The following CNTN4 variants were observed in gnomAD, a reference collection of about 807,000 sequenced individuals.
CNTN4 encodes contactin 4.
Under a neutral mutation model 122.5 loss-of-function variants are expected in CNTN4, and 77 were observed. That is an observed-to-expected ratio of 0.63 (90% CI 0.52 to 0.76). The LOEUF (loss-of-function observed/expected upper bound fraction) is 0.76, where lower values mean the gene tolerates loss of function less well. Ranked by LOEUF, CNTN4 falls within the 30% of genes least tolerant of loss-of-function variation. The pLI is 0.00. For missense variants in CNTN4, 1,256 were observed against 1,259.1 expected, an observed-to-expected ratio of 1.00 and a Z score of 0.04; for synonymous variants, 512 against 447.0, an observed-to-expected ratio of 1.15 and a Z score of -1.83.
intron 2 of CNTN4, among the ~76,000 whole-genome samples, chr3:2,272,422 C>G (rs1258742048): frequency 6.6e-6 from 1 of 152,010 alleles, no homozygotes; most frequent in Non-Finnish European, 1.5e-5. Context: ...TATGTTGACC[C>G]TCATCATTGT....
intron 4 of CNTN4, among the ~76,000 whole-genome samples, chr3:2,694,629 C>A (rs748455627): frequency 6.6e-6 from 1 of 151,976 alleles, no homozygotes. Context: ...ACTTAGGAGG[C>A]GAGGCAAGAG....
intron 4 of CNTN4, among the ~76,000 whole-genome samples, chr3:2,658,364 G>A (rs1377074639): frequency 6.6e-6 from 1 of 151,988 alleles, no homozygotes; most frequent in Non-Finnish European, 1.5e-5. Context: ...AATTTTCATG[G>A]CCATGGGACA....
At chr3:2,118,413 G>T (rs2033515641) in intron 2 of CNTN4, among the ~76,000 whole-genome samples, 1 of 152,168 alleles carries the variant, frequency 6.6e-6, no homozygotes, top group Admixed American at 6.5e-5. Flanking sequence ...ACATTTTATT[G>T]CAAGGAAGGT....
chr3:2,565,875 C>T (rs1396124616), intron 3 of CNTN4, among the ~76,000 whole-genome samples: 1 of 152,190 alleles, frequency 6.6e-6, no homozygotes, highest in East Asian at 1.9e-4. Context: ...CAGATGGGAA[C>T]TGTGGATGAT....
rs1028950975 is a variant in CNTN4 at position 3,034,598 on chromosome 3, C to T, written c.1784-34C>T. ...TCCTTTACTTGGGTGTTTGAATACA[C>T]TGCTCCAATTCTGGGGGTCTTGCTC... On this transcript the variant is annotated intron_variant, in intron 16 of 24. Coordinates refer to ENST00000418658, the MANE Select transcript of CNTN4 (RefSeq NM_175607.3). 5.0e-6 allele frequency: 8 copies of T among 1,612,014 alleles called. No individual in the cohort carries two copies. The African/African-American group carries it at 6.7e-5, about 13-fold the overall frequency.
chr3:2,178,265 T>C (rs1265048854), intron 2 of CNTN4, among the ~76,000 whole-genome samples: 2 of 148,784 alleles, frequency 1.3e-5, no homozygotes, highest in South Asian at 2.1e-4. Context: ...AGGTACATAC[T>C]TTTTTTTTTG....
At chr3:2,675,110 C>T (rs778538758) in intron 4 of CNTN4, among the ~76,000 whole-genome samples, 1 of 151,112 alleles carries the variant, frequency 6.6e-6, no homozygotes, top group South Asian at 2.1e-4. Context: ...AGTGGAGAGA[C>T]AGTCTTACCA....
intron 3 of CNTN4, among the ~76,000 whole-genome samples, chr3:2,437,223 C>CT (rs1274170245): frequency 6.6e-6 from 1 of 152,112 alleles, no homozygotes; most frequent in African/African-American, 2.4e-5. Flanking sequence ...AGGGAAGACT[C>CT]TAATAATTAA....
intron 6 of CNTN4, among the ~76,000 whole-genome samples, chr3:2,785,433 C>T (rs150185622): frequency 3.2e-4 from 49 of 152,230 alleles, no homozygotes; most frequent in Middle Eastern, 3.4e-3. Flanking sequence ...TGAATGATGC[C>T]AACCACATAG....
chr3:2,747,986 T>C (rs912107859), intron 6 of CNTN4, among the ~76,000 whole-genome samples: 3 of 152,224 alleles, frequency 2.0e-5, no homozygotes, highest in African/African-American at 7.2e-5. Context: ...TATGATCATG[T>C]CCCTTGTCCC....
chr3:2,426,070 G>C (rs1157492642), intron 3 of CNTN4, among the ~76,000 whole-genome samples: 2 of 152,074 alleles, frequency 1.3e-5, no homozygotes, highest in Non-Finnish European at 2.9e-5. Flanking sequence ...TCCTTCTCCT[G>C]CCTGATTGCC....
intron 7 of CNTN4, among the ~76,000 whole-genome samples, chr3:2,835,137 T>C (rs562647227): frequency 2.0e-4 from 30 of 151,696 alleles, no homozygotes; most frequent in African/African-American, 6.3e-4. Flanking sequence ...GATCTCCTGA[T>C]CTCGCGATCC....
At chr3:2,903,074 C>G (rs546037129) in intron 12 of CNTN4, 69 bp downstream of exon 12, 5 of 1,504,344 alleles carry the variant, frequency 3.3e-6, no homozygotes, top group Non-Finnish European at 4.6e-6. Flanking sequence ...TTGTTCTTTG[C>G]CAAGCATAAA....
At chr3:2,720,922 G>C (rs1330237767) in intron 4 of CNTN4, among the ~76,000 whole-genome samples, 1 of 152,042 alleles carries the variant, frequency 6.6e-6, no homozygotes, top group Non-Finnish European at 1.5e-5. Flanking sequence ...TTGAACCCAG[G>C]CACTGTGGTT....
intron 2 of CNTN4, among the ~76,000 whole-genome samples, chr3:2,103,313 T>C (rs948670166): frequency 6.6e-6 from 1 of 152,010 alleles, no homozygotes; most frequent in Non-Finnish European, 1.5e-5. Context: ...AAGGATATAA[T>C]CCAAAACATA....
intron 2 of CNTN4, among the ~76,000 whole-genome samples, chr3:2,129,194 G>A (rs1316467046): frequency 7.0e-6 from 1 of 143,444 alleles, no homozygotes; most frequent in East Asian, 2.1e-4. Flanking sequence ...ATTATTTTTT[G>A]ATACTAGGAA....
chr3:2,611,216 T>A (rs184934014), intron 4 of CNTN4, among the ~76,000 whole-genome samples: 1 of 145,972 alleles, frequency 6.9e-6, no homozygotes, highest in East Asian at 2.0e-4. Context: ...TTAAATCATA[T>A]AGCACCTGCT....
intron 3 of CNTN4, among the ~76,000 whole-genome samples, chr3:2,523,473 T>G (rs2077294257): frequency 6.6e-6 from 1 of 152,036 alleles, no homozygotes; most frequent in Non-Finnish European, 1.5e-5. Flanking sequence ...CATTCAATGC[T>G]GTAACTTAAT....
intron 4 of CNTN4, among the ~76,000 whole-genome samples, chr3:2,730,063 T>C (rs1180736619): frequency 6.6e-6 from 1 of 152,212 alleles, no homozygotes; most frequent in East Asian, 1.9e-4. Context: ...GCTAAGGTCA[T>C]AGAGGTTCAG....
Sources: gnomAD v4.1 joint callset for allele counts (sites outside exome capture counted in the v4.1 genomes callset) on GRCh38, gnomAD v4.1.1 for gene constraint, MANE v1.5 for transcripts, NCBI Gene and HGNC (gene_info 2026-07-23, HGNC 2026-07-21) for gene names.